The following SCYL2 variants were observed in gnomAD, a reference collection of about 807,000 sequenced individuals.
SCYL2 encodes the protein SCY1-like protein 2.
Under a neutral mutation model 100.4 loss-of-function variants are expected in SCYL2, and 36 were observed. That is an observed-to-expected ratio of 0.36 (90% CI 0.27 to 0.47). The LOEUF (loss-of-function observed/expected upper bound fraction) is 0.47, where lower values mean the gene tolerates loss of function less well. SCYL2 is among the 20% of genes least tolerant of loss of function. The pLI is 1.00. For synonymous variants in SCYL2, 330 were observed against 359.2 expected (o/e 0.92, Z 0.92); for missense variants, 902 against 1,083.9 (o/e 0.83, Z 2.36).
intron 13 of SCYL2, among the ~76,000 whole-genome samples, chr12:100,330,401 T>C (rs572512737): frequency 2.6e-5 from 4 of 152,326 alleles, no homozygotes; most frequent in African/African-American, 7.2e-5. Flanking sequence ...GACTGATTCT[T>C]CCTGAAGATT....
intron 8 of SCYL2, 59 bp from the exon 9 acceptor site, chr12:100,315,499 A>G (rs2096347438): frequency 1.4e-6 from 2 of 1,425,086 alleles, no homozygotes; most frequent in Non-Finnish European, 1.9e-6. Context: ...AGTGTTAACT[A>G]ATACTAAAAA....
intron 10 of SCYL2, among the ~76,000 whole-genome samples, chr12:100,323,183 A>C (rs777271506): frequency 6.6e-6 from 1 of 152,194 alleles, no homozygotes; most frequent in Non-Finnish European, 1.5e-5. Flanking sequence ...TTCTTCTGAG[A>C]GATAGCAAAA....
intron 6 of SCYL2, among the ~76,000 whole-genome samples, chr12:100,313,176 G>A (rs762893909): frequency 2.0e-5 from 3 of 152,006 alleles, no homozygotes; most frequent in Non-Finnish European, 4.4e-5. Context: ...GTTAAAATTT[G>A]TTACAGAACT....
intron 4 of SCYL2, among the ~76,000 whole-genome samples, chr12:100,300,787 A>G (rs191113045): frequency 6.6e-5 from 10 of 152,310 alleles, no homozygotes; most frequent in Admixed American, 5.9e-4. Flanking sequence ...GCTTAACATA[A>G]TGACACCCAG....
At chr12:100,310,154 A>T (rs1485863513) in intron 4 of SCYL2, among the ~76,000 whole-genome samples, 1 of 152,098 alleles carries the variant, frequency 6.6e-6, no homozygotes, top group African/African-American at 2.4e-5. Flanking sequence ...ACGCGCCACC[A>T]TGCCTGGCTG....
rs376787223 is a variant in SCYL2, at chr12:100,335,854, C to T, written c.1973C>T (p.Thr658Ile). The T allele has an allele frequency of 9.5e-5, 153 of 1,613,410 alleles. 2 individuals carry two copies. In the South Asian group the frequency reaches 1.5e-3, roughly 16 times the overall value. Reference protein sequence around the residue: ...VFNNIGADLLTGSESENKEDG... With the variant: ...VFNNIGADLLIGSESENKEDG... Reference sequence around the variant, plus strand: ...AACAACATTGGAGCAGACCTTCTGACTGGCAGTGAGTCCGAAAATAAAGAG... The same window carrying T: ...AACAACATTGGAGCAGACCTTCTGATTGGCAGTGAGTCCGAAAATAAAGAG... Residue 658 changes from threonine (T) to isoleucine (I), a missense_variant, in exon 16 of 18, where the codon ACT becomes ATT. Thr to Ile is a moderately conservative substitution (Grantham distance 89). Transcript: ENST00000360820.
chr12:100,304,258 G>A (rs1190923801), intron 4 of SCYL2, among the ~76,000 whole-genome samples: 1 of 152,036 alleles, frequency 6.6e-6, no homozygotes, highest in Non-Finnish European at 1.5e-5. Flanking sequence ...CTTTCCAGGG[G>A]AGTGAACGGT....
At chr12:100,288,267 A>C (rs2096306557) in intron 2 of SCYL2, among the ~76,000 whole-genome samples, 1 of 152,216 alleles carries the variant, frequency 6.6e-6, no homozygotes, top group Non-Finnish European at 1.5e-5. Context: ...ATCTTTGATA[A>C]GTAAAACAAT....
intron 13 of SCYL2, among the ~76,000 whole-genome samples, chr12:100,330,673 A>G (rs1413992132): frequency 2.0e-5 from 3 of 152,184 alleles, no homozygotes. Context: ...TGAGGGAAGC[A>G]GAAAGCTGGA....
intron 2 of SCYL2, among the ~76,000 whole-genome samples, chr12:100,289,867 A>G (rs2096308583): frequency 6.6e-6 from 1 of 152,154 alleles, no homozygotes; most frequent in Admixed American, 6.5e-5. Context: ...TAGTATATTA[A>G]TGTTCCTTAT....
intron 10 of SCYL2, chr12:100,319,185 C>T: frequency 2.2e-6 from 1 of 455,534 alleles, no homozygotes; most frequent in Non-Finnish European, 4.4e-6. Context: ...TTGTTCAAGG[C>T]TGTGAGGTTG....
chr12:100,308,033 G>A (rs1450799598), intron 4 of SCYL2, among the ~76,000 whole-genome samples: 2 of 152,296 alleles, frequency 1.3e-5, no homozygotes, highest in East Asian at 3.9e-4. Context: ...CTTTTACACT[G>A]TTGGTGGGGG....
In SCYL2 at chr12:100,310,156, G is replaced by A. The variant is rs115336383; in HGVS notation, c.481-888G>A. Among the ~76,000 whole-genome samples, 1,127 of 152,168 alleles carry A rather than the reference G, an allele frequency of 7.4e-3. 15 individuals carry two copies. Among genetic ancestry groups the A allele is most frequent in the African/African-American group, 0.026 (1,095 of 41,506 alleles). On this transcript the variant is annotated intron_variant, in intron 4 of 17. Coordinates refer to ENST00000360820, the MANE Select transcript of SCYL2 (RefSeq NM_017988.6). Reference sequence around the variant, plus strand: ...TGGGTCTAGAGGCACGCGCCACCATGCCTGGCTGATTTTTGTGTTTTTAGT... The same window carrying A: ...TGGGTCTAGAGGCACGCGCCACCATACCTGGCTGATTTTTGTGTTTTTAGT...
At chr12:100,277,632 G>A (rs1321638526) in intron 1 of SCYL2, among the ~76,000 whole-genome samples, 1 of 151,958 alleles carries the variant, frequency 6.6e-6, no homozygotes. Context: ...CATATAGTTA[G>A]GTCTTGCTTT....
In SCYL2 at chr12:100,312,473, A is replaced by G; in HGVS notation, c.672A>G (p.Ser224=). The change falls in exon 6 of 18, where the codon TCA becomes TCG. Residue 224 remains serine (S), a synonymous_variant. Coordinates refer to ENST00000360820, the MANE Select transcript of SCYL2 (RefSeq NM_017988.6). ...AAGAATGGGACCCAAATTTACCTTC[A>G]TTGTGTCTTCCAAATCCTGAATATT... The part of the protein sequence containing the change: ...PCKEWDPNLP[S]LCLPNPEYLA... 1.2e-6 allele frequency: 2 copies of G among 1,613,430 alleles called. No homozygotes were observed. Among genetic ancestry groups the G allele is most frequent in the Non-Finnish European group, 1.7e-6 (2 of 1,179,928 alleles).
chr12:100,335,953 G>T, intron 16 of SCYL2, 47 bp downstream of exon 16: 3 of 1,401,680 alleles, frequency 2.1e-6, no homozygotes, highest in Non-Finnish European at 3.0e-6. Flanking sequence ...TATGCTGTAG[G>T]ACTTCCTGTA....
intron 3 of SCYL2, among the ~76,000 whole-genome samples, chr12:100,295,433 C>T (rs1056274532): frequency 1.6e-3 from 237 of 152,310 alleles, no homozygotes; most frequent in Middle Eastern, 3.4e-3. Context: ...AACGAGACTC[C>T]GTCTGCAATC....
At chr12:100,299,720 C>A (rs193180803) in intron 4 of SCYL2, among the ~76,000 whole-genome samples, 2 of 149,204 alleles carry the variant, frequency 1.3e-5, no homozygotes, top group Non-Finnish European at 3.0e-5. Context: ...TTTTTAATTG[C>A]TGAGTAGTTT....
At chr12:100,338,240 T>C (rs1020807664) in intron 17 of SCYL2, among the ~76,000 whole-genome samples, 2 of 152,198 alleles carry the variant, frequency 1.3e-5, no homozygotes, top group African/African-American at 2.4e-5. Flanking sequence ...TTTTGTAATA[T>C]AGAATAAGAA....
Sources: gnomAD v4.1 joint callset for allele counts (sites outside exome capture counted in the v4.1 genomes callset) on GRCh38, gnomAD v4.1.1 for gene constraint, MANE v1.5 for transcripts, NCBI Gene and HGNC (gene_info 2026-07-23, HGNC 2026-07-21) for gene names.